The following RIMOC1 variants were observed in gnomAD, a reference collection of about 807,000 sequenced individuals.
The protein encoded by RIMOC1 is RAB7A-interacting MON1-CCZ1 complex subunit 1.
At chr5:41,921,517 TAAAG>T in the RIMOC1 span, 1 of 152,012 alleles carries the variant, frequency 6.6e-6, no homozygotes, top group African/African-American at 2.4e-5. Flanking sequence ...TAGCCACAAT[TAAAG>T]TATGTATTAT....
the RIMOC1 span, chr5:41,909,730 T>G: frequency 5.0e-6 from 5 of 1,001,170 alleles, no homozygotes; most frequent in Admixed American, 6.9e-5. Flanking sequence ...ATATCTTTCT[T>G]TTTTTTTTTT....
At chr5:41,917,966 T>G in the RIMOC1 span, 1 of 977,726 alleles carries the variant, frequency 1.0e-6, no homozygotes, top group African/African-American at 1.7e-5. Flanking sequence ...AAGTGAGTAA[T>G]GAAGATAAAA....
chr5:41,912,270 T>C, the RIMOC1 span: 1 of 772,840 alleles, frequency 1.3e-6, no homozygotes, highest in Non-Finnish European at 2.2e-6. Context: ...CTGATTTAAA[T>C]AAATGTCAAG....
chr5:41,917,610 T>A, the RIMOC1 span: 2 of 1,003,968 alleles, frequency 2.0e-6, no homozygotes, highest in East Asian at 8.6e-5. Flanking sequence ...TTTTTTTTTT[T>A]ATTGTGGTAT....
At chr5:41,908,557 C>T in the RIMOC1 span, among the ~76,000 whole-genome samples, 2 of 152,068 alleles carry the variant, frequency 1.3e-5, no homozygotes, top group Non-Finnish European at 2.9e-5. Context: ...TGGTGCTGTT[C>T]TTCCTGTTAG....
the RIMOC1 span, chr5:41,907,611 T>A: frequency 1.7e-6 from 1 of 572,418 alleles, no homozygotes; most frequent in Non-Finnish European, 3.0e-6. Context: ...TTACTATAAT[T>A]CTGTTTCTCC....
the RIMOC1 span, chr5:41,911,463 G>C: frequency 5.5e-6 from 1 of 180,804 alleles, no homozygotes; most frequent in Non-Finnish European, 1.1e-5. Context: ...AAAAATTTTT[G>C]TCCTGAAAGA....
At chr5:41,904,419 C>G in the RIMOC1 span, 2 of 1,614,122 alleles carry the variant, frequency 1.2e-6, 1 homozygote, top group South Asian at 2.2e-5. Flanking sequence ...GCTCGGGGAT[C>G]TGGCTCAGGC....
chr5:41,910,541 GCTGA>G, the RIMOC1 span, among the ~76,000 whole-genome samples: 1 of 151,804 alleles, frequency 6.6e-6, no homozygotes, highest in African/African-American at 2.4e-5. Flanking sequence ...TTAACTGCCT[GCTGA>G]CTGTTTACTT....
At chr5:41,914,486 A>G in the RIMOC1 span, among the ~76,000 whole-genome samples, 1 of 151,820 alleles carries the variant, frequency 6.6e-6, no homozygotes, top group Non-Finnish European at 1.5e-5. Context: ...AAAACAAAAC[A>G]AAACAAAACA....
the RIMOC1 span, chr5:41,904,477 C>A: frequency 2.5e-6 from 4 of 1,612,378 alleles, no homozygotes; most frequent in Non-Finnish European, 3.4e-6. Flanking sequence ...GGTGAGGGAG[C>A]GGAGGAGAGG....
chr5:41,919,679 C>T, the RIMOC1 span: 1 of 152,158 alleles, frequency 6.6e-6, no homozygotes, highest in African/African-American at 2.4e-5. Flanking sequence ...TAGCCTTGCA[C>T]ACATCATTAC....
chr5:41,904,381 T>A, the RIMOC1 span: 5 of 1,613,146 alleles, frequency 3.1e-6, no homozygotes, highest in Admixed American at 6.7e-5. Flanking sequence ...GCGGCCGCAG[T>A]CTCTAGTGTG....
the RIMOC1 span, chr5:41,917,979 C>A: frequency 3.1e-6 from 3 of 983,406 alleles, no homozygotes; most frequent in Non-Finnish European, 3.6e-6. Context: ...AGATAAAAAC[C>A]AAGCTAGGTT....
At chr5:41,905,328 C>A in the RIMOC1 span, among the ~76,000 whole-genome samples, 9,784 of 152,248 alleles carry the variant, frequency 0.064, 437 homozygotes, top group Non-Finnish European at 0.098. Flanking sequence ...TATCATTTAT[C>A]AGGAGTGTTT....
the RIMOC1 span, among the ~76,000 whole-genome samples, chr5:41,915,745 C>T: frequency 6.6e-6 from 1 of 152,192 alleles, no homozygotes; most frequent in Non-Finnish European, 1.5e-5. Context: ...TTATCTCCCA[C>T]TGGGTCCCTC....
the RIMOC1 span, chr5:41,917,925 A>T: frequency 1.1e-6 from 1 of 901,924 alleles, no homozygotes; most frequent in South Asian, 5.1e-5. Context: ...TTATTTTTCT[A>T]TTTTGTTTAA....
At chr5:41,906,788 G>A in the RIMOC1 span, among the ~76,000 whole-genome samples, 1 of 152,182 alleles carries the variant, frequency 6.6e-6, no homozygotes, top group African/African-American at 2.4e-5. Context: ...CACCTTATCT[G>A]TGTAACTCCT....
the RIMOC1 span, among the ~76,000 whole-genome samples, chr5:41,909,338 A>G: frequency 2.6e-5 from 4 of 152,148 alleles, no homozygotes; most frequent in Admixed American, 1.3e-4. Flanking sequence ...ATTTGGGAAC[A>G]CAAATCCTTT....
Sources: gnomAD v4.1 joint callset for allele counts (sites outside exome capture counted in the v4.1 genomes callset) on GRCh38, gnomAD v4.1.1 for gene constraint, MANE v1.5 for transcripts, NCBI Gene and HGNC (gene_info 2026-07-23, HGNC 2026-07-21) for gene names.